CDH12: variants seen among roughly 807,000 people sequenced by gnomAD.
The protein encoded by CDH12 is cadherin-12.
A neutral mutation model predicts 74.1 loss-of-function variants in CDH12; 41 were observed. The observed-to-expected ratio is 0.55, with a 90% CI of 0.43 to 0.72. The LOEUF (loss-of-function observed/expected upper bound fraction) is 0.72, where lower values mean the gene tolerates loss of function less well. Among genes scored for constraint, CDH12 ranks in the 30% least tolerant of loss-of-function variants. The probability of loss-of-function intolerance (pLI) is 0.00; values close to 1 mark genes in which losing one functional copy is unlikely to be tolerated. For missense variants in CDH12, 945 were observed against 977.2 expected (o/e 0.97, Z 0.44); for synonymous variants, 399 against 355.0 (o/e 1.12, Z -1.39).
chr5:21,928,137 T>C (rs952292564), intron 6 of CDH12, among the ~76,000 whole-genome samples: 1 of 151,978 alleles, frequency 6.6e-6, no homozygotes, highest in Non-Finnish European at 1.5e-5. Flanking sequence ...GATGAAAACA[T>C]TTGACTATGA....
intron 4 of CDH12, among the ~76,000 whole-genome samples, chr5:22,161,210 A>T (rs1748324367): frequency 6.6e-6 from 1 of 152,186 alleles, no homozygotes; most frequent in South Asian, 2.1e-4. Context: ...CTCTTTGTCA[A>T]CACTATGTTA....
At chr5:22,152,263 A>G (rs1747645796) in intron 4 of CDH12, 1 of 152,128 alleles carries the variant, frequency 6.6e-6, no homozygotes, top group Non-Finnish European at 1.5e-5. Flanking sequence ...AACGACAACA[A>G]AAAACAAAAC....
intron 6 of CDH12, among the ~76,000 whole-genome samples, chr5:21,906,575 A>G (rs1753649977): frequency 6.6e-6 from 1 of 151,918 alleles, no homozygotes. Flanking sequence ...AATCCTTCAA[A>G]TGATCTTTGC....
rs140970530 is a variant in CDH12 at position 21,853,009 on chromosome 5, C to A, written c.646+1662G>T. Among the ~76,000 whole-genome samples, 601 of 151,524 alleles carry A rather than the reference C, an allele frequency of 4.0e-3. 4 individuals carry two copies. The highest frequency in any genetic ancestry group is 0.014 in the African/African-American group (581 of 41,450). ...TATTTTCATATATTCAGCCTATTGT[C>A]CAGGCCTTCTTAATTCCTCCGGAAC... is the stretch of plus-strand genomic sequence containing the variant. On this transcript the variant is annotated intron_variant, in intron 7 of 14. Coordinates refer to ENST00000382254, the MANE Select transcript of CDH12 (RefSeq NM_004061.5).
At chr5:22,319,431 A>C (rs1042359790) in intron 3 of CDH12, among the ~76,000 whole-genome samples, 5 of 152,178 alleles carry the variant, frequency 3.3e-5, no homozygotes, top group African/African-American at 1.2e-4. Context: ...GTTTACACAG[A>C]TGCTAGCAGC....
chr5:21,806,605 G>T (rs112456845), intron 9 of CDH12, among the ~76,000 whole-genome samples: 2 of 152,112 alleles, frequency 1.3e-5, no homozygotes, highest in Non-Finnish European at 2.9e-5. Flanking sequence ...CATTCTGAAG[G>T]CACCTGTATA....
chr5:22,350,630 T>G (rs953250506), intron 3 of CDH12, among the ~76,000 whole-genome samples: 10 of 152,194 alleles, frequency 6.6e-5, no homozygotes, highest in African/African-American at 2.4e-4. Flanking sequence ...ATTAATTGTA[T>G]TGATTTTTAT....
At chr5:22,117,459 TATATATATA>T (rs1448166508) in intron 4 of CDH12, among the ~76,000 whole-genome samples, 18 of 63,444 alleles carry the variant, frequency 2.8e-4, no homozygotes, top group African/African-American at 3.6e-4. Context: ...ATATATATAT[TATATATATA>T]ATATATATAT....
At chr5:22,696,644 T>C (rs1742379330) in intron 1 of CDH12, among the ~76,000 whole-genome samples, 1 of 152,214 alleles carries the variant, frequency 6.6e-6, no homozygotes, top group Non-Finnish European at 1.5e-5. Context: ...ATAGGTAGCT[T>C]AACATATTTG....
intron 1 of CDH12, among the ~76,000 whole-genome samples, chr5:22,848,419 C>T (rs1561073935): frequency 2.0e-5 from 3 of 152,134 alleles, no homozygotes. Flanking sequence ...AACAGTGTAA[C>T]CATCTTGCAA....
chr5:22,667,220 G>C (rs987388354), intron 1 of CDH12, among the ~76,000 whole-genome samples: 2 of 152,100 alleles, frequency 1.3e-5, no homozygotes, highest in African/African-American at 4.8e-5. Flanking sequence ...TGTGTGTTGA[G>C]AGCTGAAAGT....
intron 4 of CDH12, among the ~76,000 whole-genome samples, chr5:22,117,817 GA>G (rs5866549): frequency 6.7e-6 from 1 of 150,288 alleles, no homozygotes; most frequent in Non-Finnish European, 1.5e-5. Flanking sequence ...TATCCTATGT[GA>G]AAAAAATGTA....
At chr5:22,462,284 A>C (rs1033111109) in intron 2 of CDH12, among the ~76,000 whole-genome samples, 3 of 152,180 alleles carry the variant, frequency 2.0e-5, no homozygotes, top group Non-Finnish European at 2.9e-5. Context: ...TATATGATAG[A>C]AATGTGAGGG....
At chr5:21,762,202 A>G (rs1425911528) in intron 12 of CDH12, among the ~76,000 whole-genome samples, 5 of 152,184 alleles carry the variant, frequency 3.3e-5, no homozygotes, top group African/African-American at 1.2e-4. Context: ...TAACTAGAAT[A>G]AAGAAAAGTC....
At chr5:22,413,747 AC>A in intron 2 of CDH12, among the ~76,000 whole-genome samples, 1 of 151,974 alleles carries the variant, frequency 6.6e-6, no homozygotes, top group South Asian at 2.1e-4. Flanking sequence ...TATTCACATT[AC>A]TTTATCAGCT....
At chr5:22,731,309 A>C (rs1242645334) in intron 1 of CDH12, among the ~76,000 whole-genome samples, 1 of 151,824 alleles carries the variant, frequency 6.6e-6, no homozygotes, top group Non-Finnish European at 1.5e-5. Context: ...AAGTTTATGT[A>C]AAAAAGGAAA....
intron 3 of CDH12, among the ~76,000 whole-genome samples, chr5:22,349,126 T>A (rs570621941): frequency 1.3e-5 from 2 of 152,284 alleles, no homozygotes; most frequent in South Asian, 4.1e-4. Context: ...AGAGAAGGCA[T>A]CACCTATAAG....
At chr5:21,894,382 GAAAAAAAA>G (rs376989106) in intron 6 of CDH12, among the ~76,000 whole-genome samples, 1 of 73,440 alleles carries the variant, frequency 1.4e-5, no homozygotes, top group Non-Finnish European at 2.9e-5. Flanking sequence ...CCGTCTCAAA[GAAAAAAAA>G]AAAAAAAAAA....
At chr5:21,862,873 G>A (rs906665875) in intron 6 of CDH12, among the ~76,000 whole-genome samples, 1 of 152,006 alleles carries the variant, frequency 6.6e-6, no homozygotes, top group Non-Finnish European at 1.5e-5. Context: ...TGTCTTAACA[G>A]GTTGAGGTCC....
Sources: gnomAD v4.1 joint callset for allele counts (sites outside exome capture counted in the v4.1 genomes callset) on GRCh38, gnomAD v4.1.1 for gene constraint, MANE v1.5 for transcripts, NCBI Gene and HGNC (gene_info 2026-07-23, HGNC 2026-07-21) for gene names.